The following FOXO1 variants were observed in gnomAD, a reference collection of about 807,000 sequenced individuals.
The protein encoded by FOXO1 is forkhead box O1, also known as forkhead box protein O1.
A neutral mutation model predicts 44.1 loss-of-function variants in FOXO1; 6 were observed. The ratio of observed to expected loss-of-function variants is 0.14; its 90% confidence interval spans 0.07 to 0.27. FOXO1 has a LOEUF of 0.27. Ranked by LOEUF, FOXO1 falls within the 10% of genes least tolerant of loss-of-function variation. The pLI is 1.00. For synonymous variants in FOXO1, 380 were observed against 362.7 expected (o/e 1.05, Z -0.54); for missense variants, 737 against 888.8 (o/e 0.83, Z 2.17).
rs148367640 is a variant in FOXO1, at chr13:40,562,219, G to A, written c.631-1359C>T. 2.4e-3 allele frequency among the ~76,000 whole-genome samples: 362 copies of A among 152,160 alleles called. 3 individuals are homozygous for A. The highest frequency in any genetic ancestry group is 1.1e-3 in the Non-Finnish European group (74 of 68,022). ...AACTAACTCCATGACACACCTCCAC[G>A]TAGCCAGGGGCTACACTGTCCAAAC... On this transcript the variant is annotated intron_variant, in intron 1 of 2. Transcript: ENST00000379561.
At chr13:40,585,372 C>CAG (rs1566067859) in intron 1 of FOXO1, among the ~76,000 whole-genome samples, 3 of 151,984 alleles carry the variant, frequency 2.0e-5, no homozygotes, top group African/African-American at 7.2e-5. Flanking sequence ...CACACACACA[C>CAG]AGCCAACTTC....
At chr13:40,630,608 T>C (rs1876929858) in intron 1 of FOXO1, among the ~76,000 whole-genome samples, 1 of 150,474 alleles carries the variant, frequency 6.6e-6, no homozygotes, top group Admixed American at 6.6e-5. Flanking sequence ...TGGGCCGAGA[T>C]CGCGCCACTG....
rs554522397 is a variant in FOXO1 at position 40,656,999 on chromosome 13, T to C, written c.630+8584A>G. ...GCACCCGCCACCACACTTGGCTAAT[T>C]TTTTTCTGTCTTTTTAGTAGAGACG... On this transcript the variant is annotated intron_variant, in intron 1 of 2. Transcript: ENST00000379561. Among the ~76,000 whole-genome samples the C allele has an allele frequency of 4.6e-5, 7 of 152,052 alleles. No homozygotes were observed. The South Asian group carries it at 1.2e-3, about 27-fold the overall frequency.
intron 1 of FOXO1, among the ~76,000 whole-genome samples, chr13:40,630,834 G>A (rs746314349): frequency 3.3e-5 from 5 of 152,080 alleles, no homozygotes; most frequent in African/African-American, 4.8e-5. Context: ...TCTTAAATGG[G>A]AAGGAAGTTG....
rs939684864 is a variant in FOXO1, at chr13:40,634,442, C to T, written c.630+31141G>A. ...AACCTAAGAAGCTGCAGAATACACACAATTTAAGTCACTCCAAGTGTATTA... is the reference window on the plus strand; with the variant it reads ...AACCTAAGAAGCTGCAGAATACACATAATTTAAGTCACTCCAAGTGTATTA... On this transcript the variant is annotated intron_variant, in intron 1 of 2. Transcript: ENST00000379561. Among the ~76,000 whole-genome samples, 10 of 152,308 alleles carry T rather than the reference C, an allele frequency of 6.6e-5. No individual in the cohort carries two copies. In the South Asian group the frequency reaches 2.1e-3, roughly 32 times the overall value.
At chr13:40,612,182 C>G (rs150562247) in intron 1 of FOXO1, among the ~76,000 whole-genome samples, 1 of 152,146 alleles carries the variant, frequency 6.6e-6, no homozygotes. Context: ...ACTGAAAGGG[C>G]CAGCAGAAAA....
intron 1 of FOXO1, among the ~76,000 whole-genome samples, chr13:40,582,565 C>G (rs1022719175): frequency 6.6e-6 from 1 of 152,160 alleles, no homozygotes; most frequent in Admixed American, 6.5e-5. Context: ...TATTCTAAAG[C>G]CTTTACTGTC....
chr13:40,564,036 C>T (rs1049386336), intron 1 of FOXO1, among the ~76,000 whole-genome samples: 1 of 152,166 alleles, frequency 6.6e-6, no homozygotes, highest in African/African-American at 2.4e-5. Flanking sequence ...TGACTCCTGT[C>T]CCTGTCACAT....
intron 1 of FOXO1, among the ~76,000 whole-genome samples, chr13:40,626,947 A>G (rs1384995123): frequency 6.6e-6 from 1 of 152,232 alleles, no homozygotes; most frequent in African/African-American, 2.4e-5. Flanking sequence ...AGTAGTTACC[A>G]TCAGGGCTAT....
At chr13:40,600,626 T>C (rs1288324095) in intron 1 of FOXO1, among the ~76,000 whole-genome samples, 2 of 152,210 alleles carry the variant, frequency 1.3e-5, no homozygotes, top group African/African-American at 4.8e-5. Flanking sequence ...AAGTATTACT[T>C]TGCAAATTAC....
intron 1 of FOXO1, among the ~76,000 whole-genome samples, chr13:40,569,207 G>A (rs904355492): frequency 2.0e-5 from 3 of 152,194 alleles, no homozygotes; most frequent in African/African-American, 4.8e-5. Flanking sequence ...GAACTCATAG[G>A]TGTCAGGAGA....
chr13:40,659,327 A>AAAAAAAAG (rs1555253741), intron 1 of FOXO1, among the ~76,000 whole-genome samples: 3 of 151,130 alleles, frequency 2.0e-5, no homozygotes, highest in South Asian at 2.1e-4. Flanking sequence ...AAAAAAAAAA[A>AAAAAAAAG]AAAAGAAAAG....
At position 40,569,266 on chromosome 13, in the gene FOXO1, G is replaced by A. The variant is rs1053395418; in HGVS notation, c.631-8406C>T. On this transcript the variant is annotated intron_variant, in intron 1 of 2. Transcript: ENST00000379561. ...ACTGTGAGGCAGAACCGGAGGTGCC[G>A]GCTCTGGAGGCAGAGTTACTGCTGG... is the stretch of plus-strand genomic sequence containing the variant. Among the ~76,000 whole-genome samples the A allele has an allele frequency of 1.6e-4, 24 of 152,200 alleles. 1 individual carries two copies. Among genetic ancestry groups the A allele is most frequent in the African/African-American group, 4.3e-4 (18 of 41,446 alleles).
intron 1 of FOXO1, among the ~76,000 whole-genome samples, chr13:40,659,908 T>C (rs1370295722): frequency 6.6e-6 from 1 of 152,212 alleles, no homozygotes; most frequent in Non-Finnish European, 1.5e-5. Flanking sequence ...CTTAGAAGAC[T>C]ACAAATAACA....
At chr13:40,653,651 T>C (rs990243851) in intron 1 of FOXO1, among the ~76,000 whole-genome samples, 2 of 152,320 alleles carry the variant, frequency 1.3e-5, no homozygotes, top group Non-Finnish European at 2.9e-5. Flanking sequence ...GGATTAATCA[T>C]GCGCATTGGC....
At chr13:40,633,737 G>T (rs1048005794) in intron 1 of FOXO1, among the ~76,000 whole-genome samples, 1 of 152,266 alleles carries the variant, frequency 6.6e-6, no homozygotes, top group South Asian at 2.1e-4. Context: ...CTTTAAGTGG[G>T]TAAACTGTTA....
chr13:40,625,126 C>T (rs1223895625), intron 1 of FOXO1, among the ~76,000 whole-genome samples: 1 of 152,160 alleles, frequency 6.6e-6, no homozygotes, highest in Non-Finnish European at 1.5e-5. Flanking sequence ...GGAATTACCA[C>T]ACTCAGTTGA....
chr13:40,572,971 A>G (rs1353773668), intron 1 of FOXO1, among the ~76,000 whole-genome samples: 1 of 152,222 alleles, frequency 6.6e-6, no homozygotes, highest in Non-Finnish European at 1.5e-5. Flanking sequence ...AGCAGCTCAC[A>G]TAAATGTTTC....
intron 1 of FOXO1, among the ~76,000 whole-genome samples, chr13:40,617,123 T>G (rs891664373): frequency 6.6e-6 from 1 of 152,156 alleles, no homozygotes; most frequent in Non-Finnish European, 1.5e-5. Context: ...GAAATGACAG[T>G]TTAGGGAACA....
Sources: allele counts gnomAD v4.1 joint callset (sites outside exome capture counted in the v4.1 genomes callset), GRCh38; gene constraint gnomAD v4.1.1; transcripts MANE v1.5; gene names NCBI Gene and HGNC (gene_info 2026-07-23, HGNC 2026-07-21).